NCOA6: variants seen among roughly 807,000 people sequenced by gnomAD.
NCOA6 encodes nuclear receptor coactivator 6.
A neutral mutation model predicts 171.4 loss-of-function variants in NCOA6; 49 were observed. That is an observed-to-expected ratio of 0.29 (90% CI 0.23 to 0.36). The LOEUF (loss-of-function observed/expected upper bound fraction) is 0.36, where lower values mean the gene tolerates loss of function less well. NCOA6 is among the 10% of genes least tolerant of loss of function. NCOA6 has a pLI of 1.00. For synonymous variants in NCOA6, 910 were observed against 927.5 expected (o/e 0.98, Z 0.34); for missense variants, 2,248 against 2,554.5 (o/e 0.88, Z 2.59).
intron 14 of NCOA6, among the ~76,000 whole-genome samples, chr20:34,724,933 C>T (rs1005010825): frequency 8.6e-5 from 13 of 151,890 alleles, no homozygotes; most frequent in Non-Finnish European, 8.8e-5. Flanking sequence ...GGATTACAGG[C>T]GCCCACCACC....
chr20:34,751,340 G>T (rs1416108495), intron 8 of NCOA6, among the ~76,000 whole-genome samples: 1 of 119,646 alleles, frequency 8.4e-6, no homozygotes, highest in South Asian at 2.5e-4. Flanking sequence ...ACTGCAGTCC[G>T]CAGTCCAGCC....
chr20:34,757,907 G>T lies in NCOA6; in HGVS notation c.841C>A (p.Gln281Lys). The change falls in exon 7 of 15, where the codon CAG becomes AAG. Residue 281 changes from glutamine (Q) to lysine (K), a missense_variant. Physicochemically the swap from Gln to Lys is moderately conservative, Grantham distance 53 (BLOSUM62 1). Around this residue, in one of 7 missense-constraint regions of NCOA6, gnomAD observed 987 missense variants for 1,104.7 expected, o/e 0.89. Transcript: ENST00000359003. ...CTTGCCTGCAACTGTTGTTGCTGCT[G>T]TTGCTGTTGTTGCTGCTGCTGCTGC... ...QQQQQQQQQQQQQQQLQARPP... is the reference protein window; with the variant it reads ...QQQQQQQQQQKQQQQLQARPP... 6.2e-7 allele frequency: 1 copy of T among 1,613,946 alleles called. No homozygotes were observed. The highest frequency in any genetic ancestry group is 8.5e-7 in the Non-Finnish European group (1 of 1,179,946).
intron 7 of NCOA6, among the ~76,000 whole-genome samples, chr20:34,755,515 A>C (rs1370926575): frequency 6.6e-6 from 1 of 152,186 alleles, no homozygotes; most frequent in East Asian, 1.9e-4. Flanking sequence ...TTTGGTACCA[A>C]AAACCATACT....
chr20:34,729,982 T>C (rs1041516702), intron 13 of NCOA6, among the ~76,000 whole-genome samples: 12 of 152,170 alleles, frequency 7.9e-5, no homozygotes, highest in Non-Finnish European at 1.2e-4. Flanking sequence ...TATACCTCCT[T>C]TGAGAGGTGG....
intron 5 of NCOA6, among the ~76,000 whole-genome samples, chr20:34,767,331 C>G (rs2077009215): frequency 6.6e-6 from 1 of 152,126 alleles, no homozygotes; most frequent in Non-Finnish European, 1.5e-5. Flanking sequence ...GAGTCTCACT[C>G]TGTTGCCCAG....
chr20:34,765,791 T>C (rs1047601636), intron 5 of NCOA6, among the ~76,000 whole-genome samples: 1 of 152,134 alleles, frequency 6.6e-6, no homozygotes, highest in African/African-American at 2.4e-5. Context: ...AGTGTTGAAG[T>C]TGAGAAACTT....
At chr20:34,792,283 C>T (rs1050496337) in intron 2 of NCOA6, among the ~76,000 whole-genome samples, 167 bp downstream of exon 2, 2 of 151,300 alleles carry the variant, frequency 1.3e-5, no homozygotes, top group Non-Finnish European at 2.9e-5. Flanking sequence ...GTAGTAAAAA[C>T]CCCATTTAAA....
intron 1 of NCOA6, among the ~76,000 whole-genome samples, chr20:34,825,107 C>A (rs1243466876): frequency 6.6e-6 from 1 of 152,096 alleles, no homozygotes; most frequent in Admixed American, 6.5e-5. Context: ...CACGACCCCA[C>A]GACCGGCTCC....
intron 11 of NCOA6, 72 bp downstream of exon 11, chr20:34,740,291 T>C: frequency 6.6e-7 from 1 of 1,518,052 alleles, no homozygotes; most frequent in Non-Finnish European, 8.8e-7. Flanking sequence ...AAAAAAGGAG[T>C]CATGCTTTCT....
At chr20:34,811,393 G>A (rs6088613) in intron 1 of NCOA6, among the ~76,000 whole-genome samples, 1 of 151,414 alleles carries the variant, frequency 6.6e-6, no homozygotes, top group African/African-American at 2.4e-5. Flanking sequence ...CTGTTGTCTA[G>A]GTGCAACAAC....
intron 2 of NCOA6, among the ~76,000 whole-genome samples, chr20:34,783,797 T>C (rs1020880256): frequency 6.6e-5 from 10 of 152,078 alleles, no homozygotes; most frequent in Non-Finnish European, 1.3e-4. Flanking sequence ...TAATCTTTTG[T>C]AGTTTTAGTA....
At position 34,750,296 on chromosome 20, in the gene NCOA6, G is replaced by A. The variant is rs61736335; in HGVS notation, c.1899C>T (p.Gly633=). Residue 633 remains glycine, a synonymous_variant, in exon 9 of 15, where the codon GGC becomes GGT. Coordinates refer to ENST00000359003, the MANE Select transcript of NCOA6 (RefSeq NM_014071.5). ...GMHQQIVPSQ[G]QMVQQQGTLN... is the part of the protein sequence containing the mutation. ...AGGTTCCTTGTTGCTGGACCATCTG[G>A]CCCTGGGAGGGCACGATTTGCTGGT... 1,206 of 1,613,170 alleles carry A rather than the reference G, an allele frequency of 7.5e-4. 6 individuals carry two copies. The African/African-American group carries it at 0.014, about 19-fold the overall frequency.
chr20:34,728,190 AATG>A (rs940550175), intron 13 of NCOA6, among the ~76,000 whole-genome samples: 1 of 152,216 alleles, frequency 6.6e-6, no homozygotes, highest in African/African-American at 2.4e-5. Flanking sequence ...GGCATTTACT[AATG>A]ATCCCGGTAG....
chr20:34,767,836 C>T (rs1396484646), intron 5 of NCOA6, among the ~76,000 whole-genome samples: 1 of 152,164 alleles, frequency 6.6e-6, no homozygotes, highest in Admixed American at 6.5e-5. Context: ...TAGTTTATCG[C>T]TCCTTGACCC....
intron 14 of NCOA6, among the ~76,000 whole-genome samples, chr20:34,717,347 G>A (rs950803136): frequency 2.6e-5 from 4 of 152,226 alleles, no homozygotes; most frequent in African/African-American, 4.8e-5. Flanking sequence ...TTACTCGGGA[G>A]GCTAAGGCAG....
intron 4 of NCOA6, among the ~76,000 whole-genome samples, chr20:34,769,631 T>C (rs1385021040): frequency 6.6e-6 from 1 of 152,146 alleles, no homozygotes; most frequent in Non-Finnish European, 1.5e-5. Context: ...CCCAAAGTGC[T>C]AGGATTACAG....
intron 11 of NCOA6, among the ~76,000 whole-genome samples, chr20:34,739,732 A>G (rs552740870): frequency 3.3e-5 from 5 of 152,392 alleles, no homozygotes; most frequent in African/African-American, 1.2e-4. Flanking sequence ...AATGGGGTTA[A>G]GAATATCTGA....
chr20:34,726,682 C>T (rs1046984398), intron 14 of NCOA6, among the ~76,000 whole-genome samples: 12 of 151,754 alleles, frequency 7.9e-5, no homozygotes, highest in African/African-American at 2.4e-4. Context: ...CTACTCAGGA[C>T]GCTGAGGCAG....
At chr20:34,731,651 GA>G (rs1938103057) in intron 13 of NCOA6, among the ~76,000 whole-genome samples, 1 of 152,070 alleles carries the variant, frequency 6.6e-6, no homozygotes, top group African/African-American at 2.4e-5. Context: ...AAGATTAAAT[GA>G]AAAAAATATT....
Sources: allele counts gnomAD v4.1 joint callset (sites outside exome capture counted in the v4.1 genomes callset), GRCh38; gene constraint gnomAD v4.1.1; regional missense constraint gnomAD v4.1.1; transcripts MANE v1.5; gene names NCBI Gene and HGNC (gene_info 2026-07-23, HGNC 2026-07-21).